Variants in RRP9 observed in about 807,000 individuals in gnomAD.
The protein encoded by RRP9 is U3 small nucleolar RNA-interacting protein 2.
Under a neutral mutation model 65.5 loss-of-function variants are expected in RRP9, and 35 were observed. The observed-to-expected ratio is 0.53, with a 90% CI of 0.41 to 0.71. The LOEUF (loss-of-function observed/expected upper bound fraction) is 0.71. RRP9 is among the 30% of genes least tolerant of loss of function. The pLI, the probability that RRP9 is intolerant of heterozygous loss-of-function variation, is 0.00. For missense variants in RRP9, 533 were observed against 633.6 expected, an observed-to-expected ratio of 0.84 and a Z score of 1.70; for synonymous variants, 254 against 245.0, an observed-to-expected ratio of 1.04 and a Z score of -0.34.
In RRP9 at chr3:51,941,869, C is replaced by T. The variant is rs1397235079; in HGVS notation, c.-2G>A. The T allele has an allele frequency of 1.3e-6, 2 of 1,578,568 alleles. No individual in the cohort carries two copies. Among genetic ancestry groups the T allele is most frequent in the African/African-American group, 1.3e-5 (1 of 74,102 alleles). ...ACGAGCAGCCGCTGTTGCCGACATG[C>T]TGCCCACCAGGCGTGTAGCAGCGGC... On this transcript the variant is annotated 5_prime_UTR_variant, in exon 1 of 15. Coordinates refer to ENST00000232888, the MANE Select transcript of RRP9 (RefSeq NM_004704.5).
chr3:51,941,540 G>A, intron 1 of RRP9, 49 bp from the exon 2 acceptor site: 1 of 1,542,024 alleles, frequency 6.5e-7, no homozygotes, highest in Non-Finnish European at 9.0e-7. Context: ...GACCACCCTG[G>A]CATTGACCAA....
intron 2 of RRP9, among the ~76,000 whole-genome samples, chr3:51,938,512 G>A (rs941775397): frequency 2.0e-5 from 3 of 152,160 alleles, no homozygotes; most frequent in African/African-American, 4.8e-5. Context: ...CACATACAAA[G>A]AGTCAGGAAT....
chr3:51,935,966 A>G (rs974656024), intron 8 of RRP9, among the ~76,000 whole-genome samples: 1 of 151,976 alleles, frequency 6.6e-6, no homozygotes, highest in African/African-American at 2.4e-5. Context: ...GGCTCAGATG[A>G]TCCTCCATCT....
chr3:51,933,544 G>A lies in RRP9; in HGVS notation c.1390C>T (p.Leu464Phe). 1 of 1,614,120 alleles carries A rather than the reference G, an allele frequency of 6.2e-7. No individual in the cohort carries two copies. The highest frequency in any genetic ancestry group is 8.5e-7 in the Non-Finnish European group (1 of 1,179,996). ...GCTGGGGGTACAGGGACCCTGCGGA[G>A]TGGGATGATGCAGACAGAATTCCGA... ...EARNSVCIIP[L>F]RRVPVPPAAG... The change falls in exon 15 of 15, where the codon CTC (leucine) becomes TTC (phenylalanine). Residue 464 changes from leucine to phenylalanine, a missense_variant. This residue lies in a region of RRP9 where 449 missense variants were observed against 550.6 expected (regional missense o/e 0.82). Transcript: ENST00000232888.
intron 13 of RRP9, 69 bp from the exon 14 acceptor site, chr3:51,933,850 C>A: frequency 1.4e-6 from 2 of 1,469,066 alleles, no homozygotes; most frequent in South Asian, 2.3e-5. Flanking sequence ...GCATCACAGT[C>A]AAGGGCTGGG....
At chr3:51,941,565 C>T (rs1205545220) in intron 1 of RRP9, 74 bp from the exon 2 acceptor site, 4 of 1,386,490 alleles carry the variant, frequency 2.9e-6, no homozygotes, top group East Asian at 2.3e-5. Flanking sequence ...CCCCCCCCCT[C>T]GGTTCCCTCA....
chr3:51,934,493 G>A lies in RRP9; in HGVS notation c.1239C>T (p.Asp413=). Residue 413 remains aspartate (D), a synonymous_variant, in exon 13 of 15, where the codon GAC becomes GAT. Transcript: ENST00000232888. This position sits in a 1 kb window ranked among gnomAD's most constrained non-coding sequence, Gnocchi z 4.1. ...WQCGEGFRQL[D]LLCDIPLVGF... The stretch of plus-strand genomic sequence containing the variant: ...TCACCAGGGGGATGTCACAGAGAAG[G>A]TCAAGCTGCCGGAAGCCTTCCCCAC... 5 of 1,613,894 alleles carry A rather than the reference G, an allele frequency of 3.1e-6. No homozygotes were observed. The highest frequency in any genetic ancestry group is 4.2e-6 in the Non-Finnish European group (5 of 1,179,842).
At chr3:51,935,006 T>G (rs906862917) in intron 11 of RRP9, among the ~76,000 whole-genome samples, 191 bp downstream of exon 11, 3 of 151,730 alleles carry the variant, frequency 2.0e-5, no homozygotes, top group Admixed American at 6.6e-5. Flanking sequence ...AAAGGCCACA[T>G]GACAGGAAGG....
In RRP9 at chr3:51,941,802, C is replaced by T. The variant is rs895883366; in HGVS notation, c.66G>A (p.Gly22=). 5 of 1,571,964 alleles carry T rather than the reference C, an allele frequency of 3.2e-6. No homozygotes were observed. The highest frequency in any genetic ancestry group is 4.3e-6 in the Non-Finnish European group (5 of 1,167,318). The change falls in exon 1 of 15, where the codon GGG becomes GGA. Residue 22 remains glycine, a synonymous_variant. Coordinates refer to ENST00000232888, the MANE Select transcript of RRP9 (RefSeq NM_004704.5). ...TCACCTTTCGCCGCCGCTTGCCGGC[C>T]CCCGCGCCAGCCCCGGCCCCAGAGG... ...KPASGAGAGA[G]AGKRRRKADS...
chr3:51,936,814 G>C (rs1386654281), intron 6 of RRP9, among the ~76,000 whole-genome samples: 1 of 152,232 alleles, frequency 6.6e-6, no homozygotes, highest in Non-Finnish European at 1.5e-5. Flanking sequence ...GATGGTGTGA[G>C]TTCTTCTGTT....
At position 51,934,794 on chromosome 3, in the gene RRP9, A is replaced by C; in HGVS notation, c.1035-18T>G. On this transcript the variant is annotated intron_variant, in intron 11 of 14. Coordinates refer to ENST00000232888, the MANE Select transcript of RRP9 (RefSeq NM_004704.5). This position sits in a 1 kb window ranked among gnomAD's most constrained non-coding sequence, Gnocchi z 4.1. The stretch of plus-strand genomic sequence containing the variant: ...CCACAGAGCTATAAACAGGGAGGGA[A>C]TACAGCAGTGAGGGGGCCAGAGGCA... The C allele has an allele frequency of 6.2e-7, 1 of 1,606,462 alleles. No homozygotes were observed. The highest frequency in any genetic ancestry group is 8.5e-7 in the Non-Finnish European group (1 of 1,175,468).
At position 51,934,640 on chromosome 3, in the gene RRP9, C is replaced by T. The variant is rs1699430880; in HGVS notation, c.1171G>A (p.Val391Met). Residue 391 changes from valine (V) to methionine (M), a missense_variant, in exon 12 of 15, where the codon GTG (valine) becomes ATG (methionine). Physicochemically the swap from Val to Met is conservative, Grantham distance 21 (BLOSUM62 1). Around this residue, in one of 3 missense-constraint regions of RRP9, gnomAD observed 449 missense variants for 550.6 expected, o/e 0.82. Transcript: ENST00000232888. This position sits in a 1 kb window ranked among gnomAD's most constrained non-coding sequence, Gnocchi z 4.1. ...CTCTCAGGGCACCCACCTGTGGCCA[C>T]AAGGTCTGTGTTGAGGAGGGCTGCC... ...SVAALLNTDL[V>M]ATGSHSSCVR... 1.9e-6 allele frequency: 3 copies of T among 1,614,016 alleles called. No homozygotes were observed. Among genetic ancestry groups the T allele is most frequent in the East Asian group, 4.5e-5 (2 of 44,886 alleles).
intron 6 of RRP9, 58 bp from the exon 7 acceptor site, chr3:51,936,613 C>A (rs1203708553): frequency 9.6e-6 from 15 of 1,567,834 alleles, no homozygotes; most frequent in Admixed American, 1.7e-5. Flanking sequence ...TGGCTGGCAA[C>A]CCCCCTCAAG....
chr3:51,938,396 T>C (rs1490327787), intron 2 of RRP9, among the ~76,000 whole-genome samples, 192 bp from the exon 3 acceptor site: 1 of 152,198 alleles, frequency 6.6e-6, no homozygotes, highest in East Asian at 1.9e-4. Flanking sequence ...GTGCCCCACG[T>C]AGGGGTGGAA....
chr3:51,941,885 T>C lies in RRP9; in HGVS notation c.-18A>G. On this transcript the variant is annotated 5_prime_UTR_variant, in exon 1 of 15. Coordinates refer to ENST00000232888, the MANE Select transcript of RRP9 (RefSeq NM_004704.5). ...GCCGACATGCTGCCCACCAGGCGTG[T>C]AGCAGCGGCCGCAGAACTCACGTGG... 1.9e-6 allele frequency: 3 copies of C among 1,563,308 alleles called. No individual in the cohort carries two copies. Among genetic ancestry groups the C allele is most frequent in the Non-Finnish European group, 2.6e-6 (3 of 1,161,328 alleles).
In RRP9 at chr3:51,937,586, G is replaced by A. The variant is rs1397841110; in HGVS notation, c.349C>T (p.Leu117Phe). ...QVAGRLKEDV[L>F]EQRGRLQKLV... ...TTCTGCAGCCTGCCCCTCTGCTCAA[G>A]CTGCATGGAGAAGAGATGGATGAGA... Residue 117 changes from leucine to phenylalanine, a missense_variant and splice_region_variant, in exon 5 of 15, where the codon CTT (leucine) becomes TTT (phenylalanine). By Grantham distance (22) the Leu-to-Phe change is conservative. Transcript: ENST00000232888. The surrounding 1 kb of genome is among the most constrained non-coding windows in gnomAD (Gnocchi z 5.0). 1 of 1,614,200 alleles carries A rather than the reference G, an allele frequency of 6.2e-7. No homozygotes were observed.
chr3:51,933,824 G>A lies in RRP9; in HGVS notation c.1261-43C>T, dbSNP rs183206444. 567 of 1,564,996 alleles carry A rather than the reference G, an allele frequency of 3.6e-4. No individual in the cohort carries two copies. In the African/African-American group the frequency reaches 6.1e-3, roughly 17 times the overall value. ...ACGGAAAGACATTAGAACGCCCCCC[G>A]CCACCACCGTCCTCAGCATCACAGT... On this transcript the variant is annotated intron_variant, in intron 13 of 14. Transcript: ENST00000232888.
At chr3:51,933,894 C>A in intron 13 of RRP9, 113 bp from the exon 14 acceptor site, 1 of 958,558 alleles carries the variant, frequency 1.0e-6, no homozygotes, top group South Asian at 1.4e-5. Context: ...CCTGCTCTGC[C>A]TCCTGCCACC....
chr3:51,935,156 G>A (rs755227910), intron 11 of RRP9, 41 bp downstream of exon 11: 175 of 1,611,276 alleles, frequency 1.1e-4, no homozygotes, highest in Non-Finnish European at 1.4e-4. Flanking sequence ...CAGCACTCAG[G>A]AGCAGAAGCC....
Sources: gnomAD v4.1 joint callset for allele counts (sites outside exome capture counted in the v4.1 genomes callset) on GRCh38, gnomAD v4.1.1 for gene constraint, gnomAD v4.1.1 regional missense constraint, Gnocchi (gnomAD v3.1) non-coding constraint, MANE v1.5 for transcripts, NCBI Gene and HGNC (gene_info 2026-07-23, HGNC 2026-07-21) for gene names.